The following MIER2 variants were observed in gnomAD, a reference collection of about 807,000 sequenced individuals.
MIER2 encodes the protein MIER family member 2, also known as mesoderm induction early response protein 2.
Under a neutral mutation model 67.6 loss-of-function variants are expected in MIER2, and 30 were observed. The observed-to-expected ratio is 0.44, with a 90% CI of 0.33 to 0.60. The LOEUF is 0.60. Ranked by LOEUF, MIER2 falls within the 20% of genes least tolerant of loss-of-function variation. MIER2 has a pLI of 0.02. For missense variants in MIER2, 702 were observed against 745.1 expected, an observed-to-expected ratio of 0.94 and a Z score of 0.67; for synonymous variants, 372 against 312.6, an observed-to-expected ratio of 1.19 and a Z score of -2.00.
At chr19:317,688 T>C (rs915425178) in intron 7 of MIER2, among the ~76,000 whole-genome samples, 4 of 133,722 alleles carry the variant, frequency 3.0e-5, no homozygotes, top group African/African-American at 5.7e-5. Context: ...TAAGATCGCA[T>C]CACTGCACTC....
At position 327,254 on chromosome 19, in the gene MIER2, T is replaced by C. The variant is rs2145478370; in HGVS notation, c.372A>G (p.Glu124=). The stretch of plus-strand genomic sequence containing the variant: ...CTGAAAGCAAATCCTTCGCTATTTG[T>C]TCCTTTAAAAAAAAAAAAAAAAGTA... ...PNLPDMTLDK[E]QIAKDLLSGE... The change falls in exon 5 of 14, where the codon GAA becomes GAG. Residue 124 remains glutamate, a splice_region_variant and synonymous_variant. Coordinates refer to ENST00000264819, the MANE Select transcript of MIER2 (RefSeq NM_017550.3). The C allele has an allele frequency of 6.4e-7, 1 of 1,571,296 alleles. No individual in the cohort carries two copies.
intron 7 of MIER2, among the ~76,000 whole-genome samples, chr19:322,739 G>T (rs546771711): frequency 6.6e-6 from 1 of 151,680 alleles, no homozygotes; most frequent in Non-Finnish European, 1.5e-5. Flanking sequence ...AGCAGTATGC[G>T]TCACCCTAAG....
At position 309,520 on chromosome 19, in the gene MIER2, A is replaced by G. The variant is rs1460272408; in HGVS notation, c.985-595T>C. ...GTGAACCCGACAAAATTCCCAACGT[A>G]GCACATAAAGGGCCAAACACACATG... On this transcript the variant is annotated intron_variant, in intron 10 of 13. Coordinates refer to ENST00000264819, the MANE Select transcript of MIER2 (RefSeq NM_017550.3). 2.6e-5 allele frequency among the ~76,000 whole-genome samples: 4 copies of G among 152,086 alleles called. 1 individual carries two copies. The highest frequency in any genetic ancestry group is 4.4e-5 in the Non-Finnish European group (3 of 68,028).
chr19:339,587 AG>A (rs761170054), intron 1 of MIER2, among the ~76,000 whole-genome samples: 2 of 152,248 alleles, frequency 1.3e-5, no homozygotes, highest in Non-Finnish European at 2.9e-5. Context: ...GACCCAGGTC[AG>A]GGTCCTAATA....
intron 1 of MIER2, among the ~76,000 whole-genome samples, chr19:339,244 G>A (rs1972394093): frequency 6.6e-6 from 1 of 152,068 alleles, no homozygotes; most frequent in African/African-American, 2.4e-5. Flanking sequence ...TATAAAGAAC[G>A]TTTAAAACTC....
intron 7 of MIER2, among the ~76,000 whole-genome samples, chr19:314,176 C>G (rs72984437): frequency 0.13 from 19,811 of 152,194 alleles, 1,682 homozygotes; most frequent in African/African-American, 0.23. Flanking sequence ...TAGGCACTGT[C>G]GCGCTCTAAC....
intron 3 of MIER2, among the ~76,000 whole-genome samples, chr19:329,478 T>C (rs920844119): frequency 2.0e-5 from 3 of 152,176 alleles, no homozygotes; most frequent in Non-Finnish European, 2.9e-5. Context: ...TAGTGCAGCA[T>C]TGGCAGCCGG....
intron 3 of MIER2, among the ~76,000 whole-genome samples, chr19:329,866 CA>C (rs36067469): frequency 0.53 from 50,147 of 94,518 alleles, 10,026 homozygotes; most frequent in East Asian, 0.64. Context: ...TACTCCGTCT[CA>C]AAAAAAAAAA....
intron 3 of MIER2, 58 bp from the exon 4 acceptor site, chr19:328,047 C>T (rs1054506122): frequency 5.6e-6 from 9 of 1,597,584 alleles, no homozygotes; most frequent in East Asian, 4.6e-5. Context: ...GGGTTCCTGT[C>T]CCTGTCCTCT....
At chr19:338,891 G>A (rs1161286422) in intron 1 of MIER2, among the ~76,000 whole-genome samples, 2 of 152,060 alleles carry the variant, frequency 1.3e-5, no homozygotes, top group Non-Finnish European at 2.9e-5. Context: ...CATACCATAT[G>A]CAAAAATTAC....
chr19:320,305 C>T (rs967576945), intron 7 of MIER2, among the ~76,000 whole-genome samples: 1 of 151,916 alleles, frequency 6.6e-6, no homozygotes, highest in Non-Finnish European at 1.5e-5. Context: ...CACTTGAGCC[C>T]GGGAGCAGAG....
intron 1 of MIER2, among the ~76,000 whole-genome samples, chr19:343,161 C>T (rs1972578416): frequency 6.6e-6 from 1 of 152,188 alleles, no homozygotes; most frequent in South Asian, 2.1e-4. Context: ...CAGGAGCAGC[C>T]GGACCACAAG....
chr19:342,972 CTTG>C (rs1443525035), intron 1 of MIER2, among the ~76,000 whole-genome samples: 1 of 152,162 alleles, frequency 6.6e-6, no homozygotes, highest in East Asian at 1.9e-4. Flanking sequence ...GCACCTCATA[CTTG>C]TTGGTCCTAA....
intron 7 of MIER2, 87 bp from the exon 8 acceptor site, chr19:313,730 CCT>C (rs1344859897): frequency 3.9e-5 from 60 of 1,531,012 alleles, no homozygotes; most frequent in South Asian, 9.9e-5. Flanking sequence ...CAACTCAGCC[CCT>C]GACAGGGAGG....
chr19:343,990 TCA>T, intron 1 of MIER2: 1 of 985,468 alleles, frequency 1.0e-6, no homozygotes, highest in East Asian at 1.1e-4. Flanking sequence ...TGATCAAACA[TCA>T]CAGTCCAAAA....
intron 13 of MIER2, 98 bp downstream of exon 13, chr19:307,021 C>T (rs1970680135): frequency 2.1e-6 from 3 of 1,401,036 alleles, no homozygotes; most frequent in Non-Finnish European, 2.9e-6. Flanking sequence ...TCCTCGGGTC[C>T]TTGGGGCAAA....
rs147410345 is a variant in MIER2 at position 312,181 on chromosome 19, C to T, written c.889+10G>A. The T allele has an allele frequency of 3.0e-4, 475 of 1,590,210 alleles. 36 individuals are homozygous for T. The East Asian group carries it at 5.8e-3, about 19-fold the overall frequency. On this transcript the variant is annotated intron_variant, in intron 9 of 13. Transcript: ENST00000264819. ...GCCGCAGCGGAAGGAAGGCCCAGAC[C>T]GCTGCTCACCTCGGATCACCTTCAC... is the stretch of plus-strand genomic sequence containing the variant.
chr19:312,145 C>A lies in MIER2; in HGVS notation c.889+46G>T, dbSNP rs558816200. On this transcript the variant is annotated intron_variant, in intron 9 of 13. Coordinates refer to ENST00000264819, the MANE Select transcript of MIER2 (RefSeq NM_017550.3). The stretch of plus-strand genomic sequence containing the variant: ...AGGCCGGGGAGAACGGTCAGCAGTG[C>A]CCAGGGCGGGGCCGCAGCGGAAGGA... 1.3e-4 allele frequency: 187 copies of A among 1,424,954 alleles called. 4 individuals carry two copies. In the East Asian group the frequency reaches 3.9e-3, roughly 30 times the overall value. 88.3% of individuals were successfully genotyped at this position (1,424,954 alleles called of 1,614,324 possible). A position where few individuals can be genotyped will look rare whatever the true frequency, so the allele number is the denominator to read the frequency against.
At chr19:321,474 A>G (rs1971499927) in intron 7 of MIER2, among the ~76,000 whole-genome samples, 2 of 152,068 alleles carry the variant, frequency 1.3e-5, no homozygotes, top group Admixed American at 1.3e-4. Flanking sequence ...GTGAAACCCC[A>G]TCTCCGCTAA....
Sources: gnomAD v4.1 joint callset for allele counts (sites outside exome capture counted in the v4.1 genomes callset) on GRCh38, gnomAD v4.1.1 for gene constraint, MANE v1.5 for transcripts, NCBI Gene and HGNC (gene_info 2026-07-23, HGNC 2026-07-21) for gene names.